CACNA1C: variants seen among roughly 807,000 people sequenced by gnomAD.
The protein encoded by CACNA1C is calcium voltage-gated channel subunit alpha1 C, also known as voltage-dependent L-type calcium channel subunit alpha-1C.
In CACNA1C, 30 loss-of-function variants were observed where a neutral mutation model predicts 229.0. The ratio of observed to expected loss-of-function variants is 0.13; its 90% CI spans 0.10 to 0.18. The LOEUF (loss-of-function observed/expected upper bound fraction) is 0.18, where lower values mean the gene tolerates loss of function less well. Among genes scored for constraint, CACNA1C ranks in the 10% least tolerant of loss-of-function variants. CACNA1C has a pLI of 1.00. For missense variants in CACNA1C, 1,658 were observed against 2,845.0 expected (o/e 0.58, Z 9.49); for synonymous variants, 1,114 against 1,132.5 (o/e 0.98, Z 0.33).
Position 2,488,757 on chromosome 12 carries a change from G to A in CACNA1C, c.916+2495G>A, listed in dbSNP as rs2099706587. ...AGAAGGTGGCCTCACTCATTCGCTG[G>A]AGTCAGAGTCCCTGCTGGGAAGAGG... On this transcript the variant is annotated intron_variant, in intron 6 of 46. Coordinates refer to ENST00000399655, the MANE Select transcript of CACNA1C (RefSeq NM_000719.7). The surrounding 1 kb of genome is among the most constrained non-coding windows in gnomAD (Gnocchi z 4.0). Among the ~76,000 whole-genome samples, 1 of 152,184 alleles carries A rather than the reference G, an allele frequency of 6.6e-6. No homozygotes were observed. Among genetic ancestry groups the A allele is most frequent in the African/African-American group, 2.4e-5 (1 of 41,436 alleles).
chr12:2,053,040 G>A lies in CACNA1C; in HGVS notation c.-523G>A, dbSNP rs1470402111. The A allele has an allele frequency of 1.2e-4, 116 of 984,438 alleles. No individual in the cohort carries two copies. Among genetic ancestry groups the A allele is most frequent in the Non-Finnish European group, 1.3e-4 (106 of 829,566 alleles). The allele number at this position is 984,438 out of a possible 1,614,324, so 61.0% of individuals were successfully genotyped here. A position where few individuals can be genotyped will look rare whatever the true frequency, so the allele number is the denominator to read the frequency against. ...AGCTCCTGCCAGAGCGGCGCTCGGC[G>A]CGGCGCGGCGGGCCCGGAGCGGCGG... is the stretch of plus-strand genomic sequence containing the variant. On this transcript the variant is annotated 5_prime_UTR_variant, in exon 1 of 47. Transcript: ENST00000399655. The surrounding 1 kb of genome is among the most constrained non-coding windows in gnomAD (Gnocchi z 5.8).
intron 16 of CACNA1C, among the ~76,000 whole-genome samples, chr12:2,584,898 T>C (rs1466238012): frequency 3.3e-5 from 5 of 151,784 alleles, no homozygotes; most frequent in Non-Finnish European, 7.4e-5. Context: ...GAGTGTAGGG[T>C]GGGGAGAGAG....
intron 3 of CACNA1C, among the ~76,000 whole-genome samples, chr12:2,417,780 A>T (rs117713732): frequency 0.013 from 2,005 of 152,096 alleles, 27 homozygotes; most frequent in Middle Eastern, 0.031. Flanking sequence ...AACCAGAGAG[A>T]GATTTTGGGC....
At chr12:2,074,953 C>G (rs2062663456) in intron 1 of CACNA1C, among the ~76,000 whole-genome samples, 1 of 152,158 alleles carries the variant, frequency 6.6e-6, no homozygotes, top group Admixed American at 6.5e-5. Flanking sequence ...CACATGGGGA[C>G]CCGGATCAAG....
rs959048682 is a variant in CACNA1C, at chr12:2,512,254, C to T, written c.1218-558C>T. Among the ~76,000 whole-genome samples, 2 of 152,166 alleles carry T rather than the reference C, an allele frequency of 1.3e-5. No homozygotes were observed. The highest frequency in any genetic ancestry group is 2.4e-5 in the African/African-American group (1 of 41,428). On this transcript the variant is annotated intron_variant, in intron 8 of 46. Coordinates refer to ENST00000399655, the MANE Select transcript of CACNA1C (RefSeq NM_000719.7). This position sits in a 1 kb window ranked among gnomAD's most constrained non-coding sequence, Gnocchi z 4.3. ...TCCCACTGTGGCCGATCTCAAGCTA[C>T]CAGCGAGACATCCCTGAAGCCAGAG... is the stretch of plus-strand genomic sequence containing the variant.
At chr12:2,527,111 G>A (rs550691454) in intron 9 of CACNA1C, among the ~76,000 whole-genome samples, 1 of 152,172 alleles carries the variant, frequency 6.6e-6, no homozygotes, top group South Asian at 2.1e-4. Context: ...AAAATGTCTG[G>A]GCAGAGGAGC....
Position 2,597,718 on chromosome 12 carries a change from C to T in CACNA1C, c.2853+429C>T, listed in dbSNP as rs1433216555. 2.0e-5 allele frequency among the ~76,000 whole-genome samples: 3 copies of T among 152,208 alleles called. No individual in the cohort carries two copies. The highest frequency in any genetic ancestry group is 4.4e-5 in the Non-Finnish European group (3 of 68,038). On this transcript the variant is annotated intron_variant, in intron 21 of 46. Coordinates refer to ENST00000399655, the MANE Select transcript of CACNA1C (RefSeq NM_000719.7). This position sits in a 1 kb window ranked among gnomAD's most constrained non-coding sequence, Gnocchi z 4.3. Reference sequence around the variant, plus strand: ...CCACAGCTCCTCCCTCCAGCCACCCCTAAGCAGTCCGTGGCCTGGAAGGGA... The same window carrying T: ...CCACAGCTCCTCCCTCCAGCCACCCTTAAGCAGTCCGTGGCCTGGAAGGGA...
intron 24 of CACNA1C, 24 bp from the exon 25 acceptor site, chr12:2,606,587 G>T: frequency 2.5e-6 from 4 of 1,586,876 alleles, no homozygotes; most frequent in Non-Finnish European, 3.4e-6. Flanking sequence ...GAACATCTCT[G>T]ATACTCTGTT....
At chr12:2,251,877 C>G (rs1348515454) in intron 3 of CACNA1C, among the ~76,000 whole-genome samples, 1 of 152,214 alleles carries the variant, frequency 6.6e-6, no homozygotes, top group African/African-American at 2.4e-5. Context: ...CTTTCTCACT[C>G]TGGCCTTCGG....
At chr12:2,671,019 CT>C (rs201234888) in intron 38 of CACNA1C, among the ~76,000 whole-genome samples, 2,827 of 142,408 alleles carry the variant, frequency 0.02, 122 homozygotes, top group Admixed American at 0.1. Context: ...CCAAAACACA[CT>C]TTTTTTTTTT....
intron 1 of CACNA1C, among the ~76,000 whole-genome samples, chr12:2,114,844 T>C (rs1189269176): frequency 6.6e-5 from 10 of 152,242 alleles, no homozygotes; most frequent in African/African-American, 2.4e-4. Context: ...TTCTATTCGA[T>C]TTCATGAATA....
At chr12:2,317,980 G>T (rs2095782764) in intron 3 of CACNA1C, among the ~76,000 whole-genome samples, 1 of 152,220 alleles carries the variant, frequency 6.6e-6, no homozygotes, top group Non-Finnish European at 1.5e-5. Context: ...CGGGAGCCAG[G>T]CCTGAGGAAG....
At chr12:2,570,151 C>G (rs1046923075) in intron 13 of CACNA1C, among the ~76,000 whole-genome samples, 2 of 152,178 alleles carry the variant, frequency 1.3e-5, no homozygotes, top group African/African-American at 4.8e-5. Context: ...CTCTAAGGTA[C>G]AAGTCCCCTG....
In CACNA1C at chr12:2,292,703, C is replaced by T. The variant is rs751506877; in HGVS notation, c.478-156273C>T. On this transcript the variant is annotated intron_variant, in intron 3 of 46. Coordinates refer to ENST00000399655, the MANE Select transcript of CACNA1C (RefSeq NM_000719.7). Reference sequence around the variant, plus strand: ...TGAGCAGGGCAGAGACTGAGTGTGTCTAAGGAAAGCTGCCAGCTTTAGGCG... The same window carrying T: ...TGAGCAGGGCAGAGACTGAGTGTGTTTAAGGAAAGCTGCCAGCTTTAGGCG... 3.4e-4 allele frequency among the ~76,000 whole-genome samples: 52 copies of T among 152,284 alleles called. 1 individual carries two copies. Among genetic ancestry groups the T allele is most frequent in the Non-Finnish European group, 6.3e-4 (43 of 68,008 alleles).
Position 2,686,318 on chromosome 12 carries a change from C to G in CACNA1C, c.5784+49C>G, listed in dbSNP as rs777115578. 4.7e-5 allele frequency: 65 copies of G among 1,381,288 alleles called. 1 individual carries two copies. The South Asian group carries it at 7.0e-4, about 15-fold the overall frequency. The allele number at this position is 1,381,288 out of a possible 1,614,324, so 85.6% of individuals were successfully genotyped here. ...CACTGTCACCTGCCAGCAGGCCAGA[C>G]AGTCCCCAGGGTGACGGACAAATCC... On this transcript the variant is annotated intron_variant, in intron 45 of 46. Transcript: ENST00000399655.
chr12:2,498,890 T>C (rs537555281), intron 7 of CACNA1C, among the ~76,000 whole-genome samples: 2 of 152,232 alleles, frequency 1.3e-5, no homozygotes, highest in Admixed American at 1.3e-4. Context: ...CACTACTCTC[T>C]ATGACAGCTC....
Position 2,061,139 on chromosome 12 carries a change from T to TC in CACNA1C, c.49+7528_49+7529insC, listed in dbSNP as rs887364154. On this transcript the variant is annotated intron_variant, in intron 1 of 46. Transcript: ENST00000399655. ...AGAAGGAATCAAATCCCTTTTTTTT[T>TC]TTTTGTCTGTAAAGTGGAGATAATA... Among the ~76,000 whole-genome samples, 208 of 152,150 alleles carry TC rather than the reference T, an allele frequency of 1.4e-3. 1 individual carries two copies. Among genetic ancestry groups the TC allele is most frequent in the African/African-American group, 3.9e-3 (162 of 41,496 alleles).
intron 3 of CACNA1C, among the ~76,000 whole-genome samples, chr12:2,426,516 G>A (rs2099033833): frequency 1.3e-5 from 2 of 152,164 alleles, no homozygotes; most frequent in African/African-American, 4.8e-5. Flanking sequence ...GGCAGTAGAA[G>A]GGTTTAGGAT....
rs1393800746 is a variant in CACNA1C, at chr12:2,181,396, G to C, written c.477+60966G>C. Among the ~76,000 whole-genome samples, 1 of 152,150 alleles carries C rather than the reference G, an allele frequency of 6.6e-6. No individual in the cohort carries two copies. Among genetic ancestry groups the C allele is most frequent in the Non-Finnish European group, 1.5e-5 (1 of 68,032 alleles). On this transcript the variant is annotated intron_variant, in intron 3 of 46. Transcript: ENST00000399655. The surrounding 1 kb of genome is among the most constrained non-coding windows in gnomAD (Gnocchi z 4.0). Reference sequence around the variant, plus strand: ...GCAGCACCCAGGCCTTCAGTGTGGGGACAGAGTTAAGATCAACATGATCAC... The same window carrying C: ...GCAGCACCCAGGCCTTCAGTGTGGGCACAGAGTTAAGATCAACATGATCAC...
Sources: gnomAD v4.1 joint callset for allele counts (sites outside exome capture counted in the v4.1 genomes callset) on GRCh38, gnomAD v4.1.1 for gene constraint, Gnocchi (gnomAD v3.1) non-coding constraint, MANE v1.5 for transcripts, NCBI Gene and HGNC (gene_info 2026-07-23, HGNC 2026-07-21) for gene names.